The following PCTP variants were observed in gnomAD, a reference collection of about 807,000 sequenced individuals.
PCTP encodes the protein START domain-containing protein 2.
PCTP carries 27 observed loss-of-function variants against 31.0 expected under a neutral mutation model. That is an observed-to-expected ratio of 0.87 (90% CI 0.64 to 1.20). PCTP has a LOEUF of 1.20. PCTP is among the 50% of genes most tolerant of loss of function. The probability of loss-of-function intolerance (pLI) is 0.00; values close to 1 mark genes in which losing one functional copy is unlikely to be tolerated. For missense variants in PCTP, 287 were observed against 268.2 expected (o/e 1.07, Z -0.49); for synonymous variants, 108 against 101.2 (o/e 1.07, Z -0.40).
chr17:55,824,241 A>G (rs546844768), downstream of PCTP, among the ~76,000 whole-genome samples: 19 of 152,042 alleles, frequency 1.2e-4, no homozygotes, highest in South Asian at 2.1e-4. Context: ...GCTTACAAAG[A>G]CCTCCGAGAG....
At chr17:55,756,715 ATG>A (rs79186953) in intron 1 of PCTP, among the ~76,000 whole-genome samples, 20,856 of 150,274 alleles carry the variant, frequency 0.14, 1,813 homozygotes, top group African/African-American at 0.24. Context: ...TGTATTATGA[ATG>A]TGTGTGTGTG....
intron 2 of PCTP, among the ~76,000 whole-genome samples, chr17:55,768,508 T>C (rs1274392998): frequency 2.0e-5 from 3 of 152,206 alleles, no homozygotes; most frequent in Non-Finnish European, 2.9e-5. Context: ...TGAAGCAATA[T>C]GTTCAATAGC....
intron 5 of PCTP, among the ~76,000 whole-genome samples, chr17:55,839,898 C>T (rs1315060531): frequency 9.2e-6 from 1 of 108,896 alleles, no homozygotes; most frequent in Non-Finnish European, 1.7e-5. Flanking sequence ...CCAGCCTGGG[C>T]GACAGAGCGA....
rs757574464 is a variant in PCTP at position 55,771,113 on chromosome 17, T to G, written c.267T>G (p.Tyr89Ter). ...TCTTTTGCTTTCCTTTAGAACTCTA[T>G]GAACAAGAATGCAACGGAGAGACTG... ...KQWDQYVKELYEQECNGETVV... is the reference protein window; with the variant it reads ...KQWDQYVKEL The change falls in exon 3 of 6, where the codon TAT becomes TAG. Residue 89 changes from tyrosine (Y) to a stop codon, truncating the protein, a stop_gained. Coordinates refer to ENST00000268896, the MANE Select transcript of PCTP (RefSeq NM_021213.4). LOFTEE classifies it high-confidence loss of function. The G allele has an allele frequency of 2.5e-6, 4 of 1,612,826 alleles. No homozygotes were observed. Among genetic ancestry groups the G allele is most frequent in the Middle Eastern group, 1.6e-4 (1 of 6,062 alleles).
chr17:55,753,659 T>C (rs895091249), intron 1 of PCTP, among the ~76,000 whole-genome samples: 2 of 152,194 alleles, frequency 1.3e-5, no homozygotes, highest in African/African-American at 4.8e-5. Flanking sequence ...ACTGAACTAA[T>C]TTGGTCTCAA....
Position 55,751,306 on chromosome 17 carries a change from A to G in PCTP, c.141+62A>G, listed in dbSNP as rs1052207863. On this transcript the variant is annotated intron_variant, in intron 1 of 5. Transcript: ENST00000268896. ...AATGCGCCGGGGTCGACCTCCCCGC[A>G]GGGAGTGCGGGGCGGCAGTCGCGGA... The G allele has an allele frequency of 2.0e-6, 3 of 1,517,714 alleles. No individual in the cohort carries two copies. In the African/African-American group the frequency reaches 4.2e-5, roughly 21 times the overall value. The allele number at this position is 1,517,714 out of a possible 1,614,324, so 94.0% of individuals were successfully genotyped here.
At chr17:55,807,471 T>C (rs1261136665) in intron 3 of PCTP, among the ~76,000 whole-genome samples, 2 of 152,180 alleles carry the variant, frequency 1.3e-5, no homozygotes, top group African/African-American at 4.8e-5. Context: ...CCATCTCCTT[T>C]GGGCACAAAG....
At chr17:55,788,069 T>C (rs1911816673) in intron 3 of PCTP, among the ~76,000 whole-genome samples, 1 of 152,212 alleles carries the variant, frequency 6.6e-6, no homozygotes. Context: ...ACTACTGGAT[T>C]GTAATAACCA....
intron 1 of PCTP, 82 bp downstream of exon 1, chr17:55,751,326 C>G (rs1260739049): frequency 1.6e-5 from 24 of 1,514,698 alleles, no homozygotes; most frequent in Non-Finnish European, 2.1e-5. Flanking sequence ...GGGCGGCAGT[C>G]GCGGAAGGGA....
intron 3 of PCTP, among the ~76,000 whole-genome samples, chr17:55,812,184 ATAAAG>A (rs753838522): frequency 6.6e-6 from 1 of 152,144 alleles, no homozygotes; most frequent in Non-Finnish European, 1.5e-5. Context: ...TTTGAGGTGA[ATAAAG>A]TAAAGAATGG....
intron 5 of PCTP, among the ~76,000 whole-genome samples, chr17:55,830,527 G>A (rs191559643): frequency 3.9e-4 from 59 of 152,198 alleles, no homozygotes; most frequent in Non-Finnish European, 2.1e-4. Flanking sequence ...ATGAAAATTG[G>A]TTGGTAAAAT....
At chr17:55,808,559 A>T (rs1912647978) in intron 3 of PCTP, among the ~76,000 whole-genome samples, 1 of 152,190 alleles carries the variant, frequency 6.6e-6, no homozygotes, top group Admixed American at 6.5e-5. Context: ...TATTGCAATT[A>T]TGAGAAGCAC....
At chr17:55,778,543 C>T (rs1387262911), downstream of PCTP, among the ~76,000 whole-genome samples, 3 of 151,442 alleles carry the variant, frequency 2.0e-5, no homozygotes, top group East Asian at 5.8e-4. Context: ...AGACTAAATC[C>T]ATTCAGCTAT....
intron 3 of PCTP, among the ~76,000 whole-genome samples, chr17:55,816,222 C>T (rs1473239373): frequency 6.6e-6 from 1 of 152,174 alleles, no homozygotes; most frequent in Non-Finnish European, 1.5e-5. Flanking sequence ...CATGATCACC[C>T]CCAAAGAAAT....
chr17:55,818,824 A>G (rs940651602), intron 3 of PCTP, among the ~76,000 whole-genome samples: 5 of 152,018 alleles, frequency 3.3e-5, no homozygotes, highest in Non-Finnish European at 7.4e-5. Flanking sequence ...AAGCCAGTGA[A>G]GCAGATCAAA....
chr17:55,778,601 C>T (rs1332926137), downstream of PCTP, among the ~76,000 whole-genome samples: 8 of 144,818 alleles, frequency 5.5e-5, no homozygotes, highest in Admixed American at 2.0e-4. Flanking sequence ...CCCAAGTCAG[C>T]GTTTTGTGGG....
intron 5 of PCTP, among the ~76,000 whole-genome samples, chr17:55,837,474 A>G (rs1905816087): frequency 6.6e-6 from 1 of 152,148 alleles, no homozygotes; most frequent in Admixed American, 6.5e-5. Context: ...GATGCCCTTA[A>G]AACTCGACAT....
At chr17:55,845,887 GGTGT>G (rs34179575), downstream of PCTP, among the ~76,000 whole-genome samples, 8,674 of 142,956 alleles carry the variant, frequency 0.061, 263 homozygotes, top group Admixed American at 0.089. Flanking sequence ...AGAGGGTTGG[GGTGT>G]GTGTGTGTGT....
chr17:55,785,075 C>T (rs1481991906), intron 2 of PCTP, among the ~76,000 whole-genome samples: 2 of 152,194 alleles, frequency 1.3e-5, no homozygotes, highest in African/African-American at 2.4e-5. Context: ...GTGGAGTGGA[C>T]CTGGTGACTT....
Sources: gnomAD v4.1 joint callset for allele counts (sites outside exome capture counted in the v4.1 genomes callset) on GRCh38, gnomAD v4.1.1 for gene constraint, MANE v1.5 for transcripts, NCBI Gene and HGNC (gene_info 2026-07-23, HGNC 2026-07-21) for gene names.